GRK2: variants seen among roughly 807,000 people sequenced by gnomAD.
GRK2 encodes the protein G protein-coupled receptor kinase 2.
In GRK2, 23 loss-of-function variants were observed where a neutral mutation model predicts 97.8. The ratio of observed to expected loss-of-function variants is 0.24; its 90% CI spans 0.17 to 0.33. The LOEUF (loss-of-function observed/expected upper bound fraction) is 0.33. Ranked by LOEUF, GRK2 falls within the 10% of genes least tolerant of loss-of-function variation. The probability of loss-of-function intolerance (pLI) is 1.00; values close to 1 mark genes in which losing one functional copy is unlikely to be tolerated. For missense variants in GRK2, 633 were observed against 956.9 expected (o/e 0.66, Z 4.47); for synonymous variants, 425 against 381.7 (o/e 1.11, Z -1.32).
chr11:67,272,776 C>A (rs61759814), intron 1 of GRK2, among the ~76,000 whole-genome samples: 2 of 152,258 alleles, frequency 1.3e-5, no homozygotes, highest in Non-Finnish European at 2.9e-5. Context: ...GCTCTACCCA[C>A]TGGGCCCGCA....
chr11:67,275,088 G>T (rs553109083), intron 1 of GRK2, among the ~76,000 whole-genome samples: 3 of 152,192 alleles, frequency 2.0e-5, no homozygotes, highest in Non-Finnish European at 4.4e-5. Context: ...CCCAGCCTCT[G>T]AGGGTGGGGA....
At position 67,285,966 on chromosome 11, in the gene GRK2, C is replaced by T. The variant is rs1392519103; in HGVS notation, c.*516C>T. On this transcript the variant is annotated 3_prime_UTR_variant, in exon 21 of 21. Coordinates refer to ENST00000308595, the MANE Select transcript of GRK2 (RefSeq NM_001619.5). ...GCCCTCAAGGCCTCCCACAGTGACT[C>T]GGGCTCCTGTGCCCTTATTCAGGAA... The T allele has an allele frequency of 1.7e-5, 4 of 236,974 alleles. No individual in the cohort carries two copies. The highest frequency in any genetic ancestry group is 5.8e-5 in the South Asian group (1 of 17,304). The allele number at this position is 236,974 out of a possible 1,614,324, so 14.7% of individuals were successfully genotyped here. A position where few individuals can be genotyped will look rare whatever the true frequency, so the allele number is the denominator to read the frequency against.
At chr11:67,270,616 C>G (rs1015175708) in intron 1 of GRK2, among the ~76,000 whole-genome samples, 1 of 152,194 alleles carries the variant, frequency 6.6e-6, no homozygotes, top group Non-Finnish European at 1.5e-5. Flanking sequence ...TTGTCCCTTA[C>G]CCAGAACTTT....
rs201406998 is a variant in GRK2 at position 67,281,050 on chromosome 11, G to C, written c.556-43G>C. 3.3e-5 allele frequency: 52 copies of C among 1,559,790 alleles called. No individual in the cohort carries two copies. The highest frequency in any genetic ancestry group is 4.5e-5 in the Non-Finnish European group (51 of 1,141,560). ...CCAGGTGCCTCTGCCCCAGGGCTGG[G>C]CAGAGGCAGCCTGTGGTGACCGCAG... On this transcript the variant is annotated intron_variant, in intron 7 of 20. Coordinates refer to ENST00000308595, the MANE Select transcript of GRK2 (RefSeq NM_001619.5). The surrounding 1 kb of genome is among the most constrained non-coding windows in gnomAD (Gnocchi z 5.7).
Position 67,269,267 on chromosome 11 carries a change from CTG to C in GRK2, c.113+2457_113+2458del, listed in dbSNP as rs1859860016. On this transcript the variant is annotated intron_variant, in intron 1 of 20. Coordinates refer to ENST00000308595, the MANE Select transcript of GRK2 (RefSeq NM_001619.5). The surrounding 1 kb of genome is among the most constrained non-coding windows in gnomAD (Gnocchi z 4.1). ...TTCCACTTGCAGAGTGCTTTTTACTCTGTTTTGTCCTTTTGACAACTGTGAGA... is the reference window on the plus strand; with the variant it reads ...TTCCACTTGCAGAGTGCTTTTTACTCTTTTGTCCTTTTGACAACTGTGAGA... Among the ~76,000 whole-genome samples the C allele has an allele frequency of 6.6e-6, 1 of 151,706 alleles. No individual in the cohort carries two copies. The highest frequency in any genetic ancestry group is 6.6e-5 in the Admixed American group (1 of 15,232).
chr11:67,280,140 A>C lies in GRK2; in HGVS notation c.503+240A>C. On this transcript the variant is annotated intron_variant, in intron 6 of 20. Transcript: ENST00000308595. ...CCATCCCAGGCAGTCTCCTAGCTCCAGGGAGCTAGGAGAGCTGTGCCACCT... is the reference window on the plus strand; with the variant it reads ...CCATCCCAGGCAGTCTCCTAGCTCCCGGGAGCTAGGAGAGCTGTGCCACCT... The C allele has an allele frequency of 7.1e-6, 4 of 560,940 alleles. No homozygotes were observed. The South Asian group carries it at 8.0e-5, about 11-fold the overall frequency. 34.7% of individuals were successfully genotyped at this position (560,940 alleles called of 1,614,324 possible).
chr11:67,280,498 G>A lies in GRK2; in HGVS notation c.504-234G>A, dbSNP rs1860125010. On this transcript the variant is annotated intron_variant, in intron 6 of 20. Transcript: ENST00000308595. ...TTCTGTGCGGATCTGATTCCAGCAGGAAGCCACGGCCAGGTGGCCGAGGGC... is the reference window on the plus strand; with the variant it reads ...TTCTGTGCGGATCTGATTCCAGCAGAAAGCCACGGCCAGGTGGCCGAGGGC... The A allele has an allele frequency of 1.7e-5, 10 of 591,440 alleles. No homozygotes were observed. In the South Asian group the frequency reaches 1.8e-4, roughly 10 times the overall value. The allele number at this position is 591,440 out of a possible 1,614,324, so 36.6% of individuals were successfully genotyped here. A position where few individuals can be genotyped will look rare whatever the true frequency, so the allele number is the denominator to read the frequency against.
rs1256800684 is a variant in GRK2, at chr11:67,284,435, C to T, written c.1654+62C>T. On this transcript the variant is annotated intron_variant, in intron 18 of 20. Transcript: ENST00000308595. ...CCTGCTTAGAAGTGAGCAGCTGGCT[C>T]GGGTTTAAGGAACTCACCCTGGATC... 29 of 1,572,076 alleles carry T rather than the reference C, an allele frequency of 1.8e-5. No individual in the cohort carries two copies. In the East Asian group the frequency reaches 4.8e-4, roughly 26 times the overall value.
chr11:67,282,372 GC>G lies in GRK2; in HGVS notation c.1052+13del, dbSNP rs36036575. ...AGAAGCCCCATGCCAGCGTGTGAGT[GC>G]CCCCCACCCTCTCCCTCCCCACCCC... On this transcript the variant is annotated splice_region_variant and intron_variant, in intron 12 of 20. Transcript: ENST00000308595. The surrounding 1 kb of genome is among the most constrained non-coding windows in gnomAD (Gnocchi z 6.9). 3.7e-5 allele frequency: 60 copies of G among 1,612,386 alleles called. No homozygotes were observed. Among genetic ancestry groups the G allele is most frequent in the Non-Finnish European group, 4.0e-5 (47 of 1,179,184 alleles).
chr11:67,278,674 G>A (rs932164720), intron 2 of GRK2, among the ~76,000 whole-genome samples: 2 of 152,220 alleles, frequency 1.3e-5, no homozygotes, highest in Non-Finnish European at 2.9e-5. Context: ...AGACACTGGA[G>A]TGGGGCAGGG....
chr11:67,284,765 G>A, intron 18 of GRK2, 82 bp from the exon 19 acceptor site: 1 of 1,520,610 alleles, frequency 6.6e-7, no homozygotes, highest in East Asian at 2.4e-5. Flanking sequence ...CTCCAGCCTG[G>A]GCAACAGAGT....
At chr11:67,277,005 C>G in intron 1 of GRK2, 1 of 356,658 alleles carries the variant, frequency 2.8e-6, no homozygotes, top group South Asian at 5.0e-5. Flanking sequence ...GGACGAGACC[C>G]CACAGGCGGT....
In GRK2 at chr11:67,285,125, C is replaced by A; in HGVS notation, c.1842C>A (p.Ile614=). The part of the protein sequence containing the change: ...EEIQSVEETQ[I]KERKCLLLKI... ...TCCAGTCGGTGGAGGAGACGCAGAT[C>A]AAGGAGCGCAAGTGCCTGCTCCTCA... Residue 614 remains isoleucine, a synonymous_variant, in exon 20 of 21, where the codon ATC becomes ATA. Transcript: ENST00000308595. 3.7e-6 allele frequency: 6 copies of A among 1,613,602 alleles called. No individual in the cohort carries two copies. Among genetic ancestry groups the A allele is most frequent in the Non-Finnish European group, 5.1e-6 (6 of 1,179,962 alleles).
chr11:67,281,103 A>G lies in GRK2; in HGVS notation c.566A>G (p.Asn189Ser), dbSNP rs1477483736. The stretch of plus-strand genomic sequence containing the variant: ...GTCGCTGCCCCTCAGCTGACCATGA[A>G]TGACTTCAGCGTGCATCGCATCATT... ...NVELNIHLTM[N>S]DFSVHRIIGR... The change falls in exon 8 of 21, where the codon AAT becomes AGT. Residue 189 changes from asparagine (N) to serine (S), a missense_variant. Physicochemically the swap from Asn to Ser is conservative, Grantham distance 46. This residue lies in a region of GRK2 where 192 missense variants were observed against 362.3 expected (regional missense o/e 0.53). Transcript: ENST00000308595. This position sits in a 1 kb window ranked among gnomAD's most constrained non-coding sequence, Gnocchi z 5.7. The G allele has an allele frequency of 1.2e-6, 2 of 1,612,692 alleles. No individual in the cohort carries two copies. The highest frequency in any genetic ancestry group is 1.7e-6 in the Non-Finnish European group (2 of 1,179,408).
chr11:67,285,557 C>T lies in GRK2; in HGVS notation c.*107C>T, dbSNP rs554113414. 92 of 1,356,670 alleles carry T rather than the reference C, an allele frequency of 6.8e-5. No individual in the cohort carries two copies. Among genetic ancestry groups the T allele is most frequent in the East Asian group, 1.1e-4 (4 of 37,500 alleles). The allele number at this position is 1,356,670 out of a possible 1,614,324, so 84.0% of individuals were successfully genotyped here. ...TTATTTTGTAATTATTGTGATTTCC[C>T]GTGGCCCCAGCCTGGCCCAGCTCCC... On this transcript the variant is annotated 3_prime_UTR_variant, in exon 21 of 21. Coordinates refer to ENST00000308595, the MANE Select transcript of GRK2 (RefSeq NM_001619.5).
chr11:67,281,080 C>T lies in GRK2; in HGVS notation c.556-13C>T, dbSNP rs375778705. 1.7e-5 allele frequency: 28 copies of T among 1,605,870 alleles called. No homozygotes were observed. Among genetic ancestry groups the T allele is most frequent in the Middle Eastern group, 1.7e-4 (1 of 6,060 alleles). ...GGCAGCCTGTGGTGACCGCAGCTGT[C>T]GCTGCCCCTCAGCTGACCATGAATG... On this transcript the variant is annotated splice_polypyrimidine_tract_variant and intron_variant, in intron 7 of 20. Coordinates refer to ENST00000308595, the MANE Select transcript of GRK2 (RefSeq NM_001619.5). The surrounding 1 kb of genome is among the most constrained non-coding windows in gnomAD (Gnocchi z 5.7).
rs1314729959 is a variant in GRK2 at position 67,282,373 on chromosome 11, C to T, written c.1052+8C>T. 1.9e-6 allele frequency: 3 copies of T among 1,612,234 alleles called. No homozygotes were observed. The highest frequency in any genetic ancestry group is 1.7e-4 in the Middle Eastern group (1 of 6,058). On this transcript the variant is annotated splice_region_variant and intron_variant, in intron 12 of 20. Transcript: ENST00000308595. This position sits in a 1 kb window ranked among gnomAD's most constrained non-coding sequence, Gnocchi z 6.9. ...GAAGCCCCATGCCAGCGTGTGAGTG[C>T]CCCCCACCCTCTCCCTCCCCACCCC...
In GRK2 at chr11:67,281,693, C is replaced by T; in HGVS notation, c.791C>T (p.Pro264Leu). Reference protein sequence around the residue: ...IVCMSYAFHTPDKLSFILDLM... With the variant: ...IVCMSYAFHTLDKLSFILDLM... The stretch of plus-strand genomic sequence containing the variant: ...TGCATGTCATACGCGTTCCACACGC[C>T]AGACAAGCTCAGCTTCATCCTGGAC... Residue 264 changes from proline (P) to leucine (L), a missense_variant, in exon 10 of 21, where the codon CCA becomes CTA. This residue lies in a region of GRK2 where 192 missense variants were observed against 362.3 expected (regional missense o/e 0.53). Coordinates refer to ENST00000308595, the MANE Select transcript of GRK2 (RefSeq NM_001619.5). This position sits in a 1 kb window ranked among gnomAD's most constrained non-coding sequence, Gnocchi z 5.7. The T allele has an allele frequency of 6.2e-7, 1 of 1,613,320 alleles. No homozygotes were observed. The highest frequency in any genetic ancestry group is 8.5e-7 in the Non-Finnish European group (1 of 1,179,822).
intron 6 of GRK2, 110 bp from the exon 7 acceptor site, chr11:67,280,622 C>T (rs1458126286): frequency 8.0e-7 from 1 of 1,255,238 alleles, no homozygotes; most frequent in Admixed American, 1.7e-5. Flanking sequence ...GATGTTTCCA[C>T]ACCTACCCTC....
Sources: gnomAD v4.1 joint callset for allele counts (sites outside exome capture counted in the v4.1 genomes callset) on GRCh38, gnomAD v4.1.1 for gene constraint, gnomAD v4.1.1 regional missense constraint, Gnocchi (gnomAD v3.1) non-coding constraint, MANE v1.5 for transcripts, NCBI Gene and HGNC (gene_info 2026-07-23, HGNC 2026-07-21) for gene names.